The following DMRT1 variants were observed in gnomAD, a reference collection of about 807,000 sequenced individuals.
DMRT1 encodes doublesex- and mab-3-related transcription factor 1.
A neutral mutation model predicts 32.3 loss-of-function variants in DMRT1; 7 were observed. The ratio of observed to expected loss-of-function variants is 0.22; its 90% CI spans 0.12 to 0.41. The LOEUF is 0.41. DMRT1 is among the 10% of genes least tolerant of loss of function. The pLI, the probability that DMRT1 is intolerant of heterozygous loss-of-function variation, is 1.00. For missense variants in DMRT1, 625 were observed against 500.5 expected (o/e 1.25, Z -2.37); for synonymous variants, 278 against 206.1 (o/e 1.35, Z -2.99).
intron 2 of DMRT1, among the ~76,000 whole-genome samples, chr9:870,996 T>C (rs995735723): frequency 9.2e-5 from 14 of 151,646 alleles, no homozygotes; most frequent in Non-Finnish European, 2.1e-4. Flanking sequence ...TTGTGAGCCA[T>C]TGTGCCCATA....
chr9:848,845 A>G (rs10977043), intron 2 of DMRT1, among the ~76,000 whole-genome samples: 94,603 of 138,198 alleles, frequency 0.68, 33,512 homozygotes, highest in Middle Eastern at 0.78. Context: ...GTGAGCTGCC[A>G]TGCCAGGCCA....
At chr9:861,590 C>T (rs1018152172) in intron 2 of DMRT1, among the ~76,000 whole-genome samples, 39 of 149,504 alleles carry the variant, frequency 2.6e-4, no homozygotes, top group South Asian at 1.0e-3. Flanking sequence ...ACCTCCCAGA[C>T]GGGGTGGCGG....
At chr9:958,938 T>G (rs575634964) in intron 4 of DMRT1, among the ~76,000 whole-genome samples, 1 of 152,182 alleles carries the variant, frequency 6.6e-6, no homozygotes. Flanking sequence ...GAGATGCCCA[T>G]CAAGGTTGGG....
At position 919,171 on chromosome 9, in the gene DMRT1, T is replaced by C. The variant is rs111597840; in HGVS notation, c.967+2264T>C. ...GTTCCTTTGGTTGATTGTGTTAATA[T>C]GTAAGTTATTATTTATTCTAAATAG... is the stretch of plus-strand genomic sequence containing the variant. On this transcript the variant is annotated intron_variant, in intron 4 of 4. Coordinates refer to ENST00000382276, the MANE Select transcript of DMRT1 (RefSeq NM_021951.3). Among the ~76,000 whole-genome samples, 440 of 152,328 alleles carry C rather than the reference T, an allele frequency of 2.9e-3. 3 individuals carry two copies. The highest frequency in any genetic ancestry group is 0.01 in the African/African-American group (418 of 41,568).
chr9:922,752 C>A (rs1488789655), intron 4 of DMRT1, among the ~76,000 whole-genome samples: 1 of 152,190 alleles, frequency 6.6e-6, no homozygotes, highest in Admixed American at 6.5e-5. Flanking sequence ...CCTTCACGTC[C>A]AAGCTGCACT....
intron 4 of DMRT1, among the ~76,000 whole-genome samples, chr9:921,302 G>T (rs1818345947): frequency 6.6e-6 from 1 of 152,158 alleles, no homozygotes; most frequent in African/African-American, 2.4e-5. Flanking sequence ...CAGCTACACT[G>T]TCGTATAGAT....
chr9:868,324 G>A (rs576116415), intron 2 of DMRT1, among the ~76,000 whole-genome samples: 1 of 152,082 alleles, frequency 6.6e-6, no homozygotes, highest in East Asian at 1.9e-4. Context: ...GATCTTACAG[G>A]GGATCTCTTA....
intron 2 of DMRT1, among the ~76,000 whole-genome samples, chr9:875,763 T>G (rs2132619033): frequency 6.7e-6 from 1 of 149,732 alleles, no homozygotes. Context: ...CACGTGCATG[T>G]GTGTGTATGT....
At chr9:945,051 C>T (rs1378426638) in intron 4 of DMRT1, among the ~76,000 whole-genome samples, 1 of 152,120 alleles carries the variant, frequency 6.6e-6, no homozygotes, top group Non-Finnish European at 1.5e-5. Context: ...CAAGTTTTAT[C>T]CACAAATTAG....
At chr9:920,226 T>G in intron 4 of DMRT1, among the ~76,000 whole-genome samples, 1 of 151,942 alleles carries the variant, frequency 6.6e-6, no homozygotes, top group South Asian at 2.1e-4. Context: ...ATGAGATCAT[T>G]TGGAGAGATG....
intron 4 of DMRT1, among the ~76,000 whole-genome samples, chr9:925,217 C>G (rs1013890070): frequency 6.6e-6 from 1 of 152,258 alleles, no homozygotes; most frequent in East Asian, 1.9e-4. Flanking sequence ...GATGGTTTGT[C>G]ATTTCTTAAA....
Position 946,197 on chromosome 9 carries a change from T to C in DMRT1, c.968-21788T>C, listed in dbSNP as rs564849573. On this transcript the variant is annotated intron_variant, in intron 4 of 4. Coordinates refer to ENST00000382276, the MANE Select transcript of DMRT1 (RefSeq NM_021951.3). ...CTCCTTGTGCAATTGTGCTGGTGTTTTTCTGGGGAGATGAAAGCCTGCAAG... is the reference window on the plus strand; with the variant it reads ...CTCCTTGTGCAATTGTGCTGGTGTTCTTCTGGGGAGATGAAAGCCTGCAAG... Among the ~76,000 whole-genome samples, 94 of 152,194 alleles carry C rather than the reference T, an allele frequency of 6.2e-4. No homozygotes were observed. The South Asian group carries it at 0.018, about 30-fold the overall frequency.
chr9:914,335 G>T (rs1818096187), intron 3 of DMRT1, among the ~76,000 whole-genome samples: 1 of 152,100 alleles, frequency 6.6e-6, no homozygotes, highest in Non-Finnish European at 1.5e-5. Context: ...AGCACTTTGG[G>T]AGGCCGAGGC....
At chr9:874,738 C>T (rs576172821) in intron 2 of DMRT1, among the ~76,000 whole-genome samples, 1 of 151,824 alleles carries the variant, frequency 6.6e-6, no homozygotes. Flanking sequence ...GGCCTTCCTT[C>T]CTCTCTTCTT....
At chr9:908,197 A>T (rs1817846434) in intron 3 of DMRT1, among the ~76,000 whole-genome samples, 1 of 152,134 alleles carries the variant, frequency 6.6e-6, no homozygotes. Context: ...TCATGCCTGT[A>T]ATCCTAGCTC....
At chr9:874,555 G>C (rs1475579766) in intron 2 of DMRT1, among the ~76,000 whole-genome samples, 2 of 152,044 alleles carry the variant, frequency 1.3e-5, no homozygotes, top group Admixed American at 6.6e-5. Flanking sequence ...GTTAATGATG[G>C]CAACTGCCAT....
At chr9:928,249 C>T (rs186237229) in intron 4 of DMRT1, among the ~76,000 whole-genome samples, 9 of 152,242 alleles carry the variant, frequency 5.9e-5, no homozygotes, top group Non-Finnish European at 1.0e-4. Flanking sequence ...AGACAGCAGC[C>T]GGCTCTGCAG....
At chr9:892,872 C>T (rs1817207462) in intron 2 of DMRT1, among the ~76,000 whole-genome samples, 2 of 152,186 alleles carry the variant, frequency 1.3e-5, no homozygotes, top group Middle Eastern at 3.2e-3. Flanking sequence ...CCAAACTCTA[C>T]CCCCACTTTC....
At chr9:871,609 G>A (rs1816263705) in intron 2 of DMRT1, among the ~76,000 whole-genome samples, 1 of 138,200 alleles carries the variant, frequency 7.2e-6, no homozygotes, top group Non-Finnish European at 1.5e-5. Flanking sequence ...CCAAAGTGCT[G>A]GGATTACAGA....
Sources: allele counts gnomAD v4.1 joint callset (sites outside exome capture counted in the v4.1 genomes callset), GRCh38; gene constraint gnomAD v4.1.1; transcripts MANE v1.5; gene names NCBI Gene and HGNC (gene_info 2026-07-23, HGNC 2026-07-21).